Variants in SHISA9 observed in about 807,000 individuals in gnomAD.
SHISA9 encodes shisa family member 9.
A neutral mutation model predicts 38.0 loss-of-function variants in SHISA9; 13 were observed. The ratio of observed to expected loss-of-function variants is 0.34; its 90% confidence interval spans 0.22 to 0.54. The LOEUF is 0.54. SHISA9 is among the 20% of genes least tolerant of loss of function. The pLI is 0.91. For missense variants in SHISA9, 538 were observed against 575.8 expected (o/e 0.93, Z 0.67); for synonymous variants, 275 against 242.0 (o/e 1.14, Z -1.27).
intron 2 of SHISA9, among the ~76,000 whole-genome samples, chr16:13,101,588 G>C (rs551091171): frequency 1.1e-4 from 17 of 152,336 alleles, no homozygotes; most frequent in Non-Finnish European, 2.1e-4. Context: ...TTTTAAGCTA[G>C]TTGCTGGCTT....
At chr16:13,352,063 G>A in the SHISA9 span, among the ~76,000 whole-genome samples, 2 of 152,164 alleles carry the variant, frequency 1.3e-5, no homozygotes, top group East Asian at 3.9e-4. Context: ...CATGGAGAGA[G>A]GATGTGATAG....
chr16:13,367,354 C>T, the SHISA9 span, among the ~76,000 whole-genome samples: 3 of 148,640 alleles, frequency 2.0e-5, no homozygotes, highest in African/African-American at 7.5e-5. Flanking sequence ...GAAGATGCCA[C>T]CCACGGGTAC....
At chr16:12,992,362 TAAA>T (rs34729407) in intron 2 of SHISA9, among the ~76,000 whole-genome samples, 4 of 113,760 alleles carry the variant, frequency 3.5e-5, no homozygotes, top group Non-Finnish European at 3.6e-5. Context: ...CCATCTCTAC[TAAA>T]AAAAAAAAAA....
At chr16:13,303,459 A>T in the SHISA9 span, among the ~76,000 whole-genome samples, 1 of 152,242 alleles carries the variant, frequency 6.6e-6, no homozygotes, top group African/African-American at 2.4e-5. Context: ...TGAAAACACT[A>T]TACGAAAATA....
chr16:12,974,053 G>T (rs2072121569), intron 2 of SHISA9, among the ~76,000 whole-genome samples: 1 of 152,156 alleles, frequency 6.6e-6, no homozygotes, highest in Non-Finnish European at 1.5e-5. Context: ...AGCACTGCCT[G>T]CCAGGATTCT....
chr16:13,404,522 A>G, the SHISA9 span, among the ~76,000 whole-genome samples: 1 of 152,132 alleles, frequency 6.6e-6, no homozygotes. Flanking sequence ...CCTGTGGTAG[A>G]AAGTATATGG....
the SHISA9 span, among the ~76,000 whole-genome samples, chr16:13,348,238 A>G: frequency 8.5e-5 from 13 of 152,118 alleles, no homozygotes; most frequent in Non-Finnish European, 1.6e-4. Flanking sequence ...TATTTGCATT[A>G]GATTTAACAG....
chr16:13,116,403 G>A (rs913123452), intron 2 of SHISA9, among the ~76,000 whole-genome samples: 2 of 152,190 alleles, frequency 1.3e-5, no homozygotes, highest in Non-Finnish European at 2.9e-5. Context: ...GAGCACCATG[G>A]TTTATAGTAT....
At chr16:13,055,033 G>A (rs1191962696) in intron 2 of SHISA9, among the ~76,000 whole-genome samples, 1 of 152,118 alleles carries the variant, frequency 6.6e-6, no homozygotes, top group Non-Finnish European at 1.5e-5. Flanking sequence ...GCTGCCCCAA[G>A]TTTATATGTA....
intron 2 of SHISA9, among the ~76,000 whole-genome samples, chr16:12,946,037 G>C (rs750888741): frequency 6.6e-6 from 1 of 152,234 alleles, no homozygotes; most frequent in African/African-American, 2.4e-5. Context: ...GAACCTGGGA[G>C]GGGGAGGTTG....
intron 4 of SHISA9, among the ~76,000 whole-genome samples, chr16:13,233,756 T>A (rs1596756219): frequency 6.6e-6 from 1 of 152,316 alleles, no homozygotes. Context: ...ACACCTGTAA[T>A]CCCAAGCACT....
intron 2 of SHISA9, among the ~76,000 whole-genome samples, chr16:13,167,513 T>C (rs902249365): frequency 2.6e-5 from 4 of 152,194 alleles, no homozygotes; most frequent in Non-Finnish European, 4.4e-5. Flanking sequence ...CACCCAAATC[T>C]CATGTTCCAT....
intron 4 of SHISA9, among the ~76,000 whole-genome samples, chr16:13,213,676 G>A (rs2051141520): frequency 6.6e-6 from 1 of 152,174 alleles, no homozygotes; most frequent in Admixed American, 6.5e-5. Flanking sequence ...CAGCTTCTGA[G>A]GGAGAGAAAA....
At chr16:13,138,758 A>C (rs2050372082) in intron 2 of SHISA9, among the ~76,000 whole-genome samples, 1 of 151,984 alleles carries the variant, frequency 6.6e-6, no homozygotes, top group South Asian at 2.1e-4. Context: ...CCTATGAGTC[A>C]TTTTCCCCCA....
At chr16:13,537,273 C>A in the SHISA9 span, among the ~76,000 whole-genome samples, 1 of 151,816 alleles carries the variant, frequency 6.6e-6, no homozygotes, top group African/African-American at 2.4e-5. Flanking sequence ...ATTAAAAATA[C>A]AAAAATTTAC....
the SHISA9 span, among the ~76,000 whole-genome samples, chr16:13,465,852 C>G: frequency 6.6e-6 from 1 of 152,230 alleles, no homozygotes; most frequent in Non-Finnish European, 1.5e-5. Flanking sequence ...CCTGTTTTGA[C>G]AAGTAGTTTC....
chr16:13,309,700 A>G, the SHISA9 span, among the ~76,000 whole-genome samples: 1 of 151,696 alleles, frequency 6.6e-6, no homozygotes, highest in South Asian at 2.1e-4. Context: ...CCAGAGGGAT[A>G]TATTTTTAAC....
In SHISA9 at chr16:13,075,257, A is replaced by G. The variant is rs558236774; in HGVS notation, c.692-128137A>G. 5.9e-5 allele frequency among the ~76,000 whole-genome samples: 9 copies of G among 152,310 alleles called. No homozygotes were observed. The South Asian group carries it at 6.2e-4, about 11-fold the overall frequency. On this transcript the variant is annotated intron_variant, in intron 2 of 4. Transcript: ENST00000558583. ...TCTGCTTGGATAGCATAATGAAGTC[A>G]ACATGCTGCATAATTACATACTTGG...
At chr16:13,218,211 C>A (rs1329571067) in intron 4 of SHISA9, among the ~76,000 whole-genome samples, 2 of 152,168 alleles carry the variant, frequency 1.3e-5, no homozygotes, top group African/African-American at 4.8e-5. Context: ...GAGGACTTGA[C>A]CCAGAATCAC....
Sources: allele counts gnomAD v4.1 joint callset (sites outside exome capture counted in the v4.1 genomes callset), GRCh38; gene constraint gnomAD v4.1.1; transcripts MANE v1.5; gene names NCBI Gene and HGNC (gene_info 2026-07-23, HGNC 2026-07-21).